ADPRHL1: variants seen among roughly 807,000 people sequenced by gnomAD.
ADPRHL1 encodes inactive ADP-ribosyltransferase ARH2.
ADPRHL1 carries 43 observed loss-of-function variants against 44.1 expected under a neutral mutation model. The observed-to-expected ratio is 0.98, with a 90% confidence interval of 0.76 to 1.26. The LOEUF is 1.26. Among genes scored for constraint, ADPRHL1 ranks in the 50% most tolerant of loss-of-function variants. The probability of loss-of-function intolerance (pLI) is 0.00; values close to 1 mark genes in which losing one functional copy is unlikely to be tolerated. For missense variants in ADPRHL1, 2,022 were observed against 2,496.9 expected, an observed-to-expected ratio of 0.81 and a Z score of 4.05; for synonymous variants, 878 against 1,017.4, an observed-to-expected ratio of 0.86 and a Z score of 2.61.
intron 1 of ADPRHL1, chr13:113,448,932 A>T (rs2139654185): frequency 1.0e-6 from 1 of 985,096 alleles, no homozygotes; most frequent in Middle Eastern, 5.2e-4. Context: ...GGCCAGCTGC[A>T]TACCCGAGCA....
intron 2 of ADPRHL1, among the ~76,000 whole-genome samples, chr13:113,443,458 A>C (rs1422613282): frequency 1.4e-5 from 2 of 146,446 alleles, no homozygotes; most frequent in Non-Finnish European, 3.0e-5. Flanking sequence ...AAAAAAAAAA[A>C]CAACCAAAAC....
In ADPRHL1 at chr13:113,453,331, T is replaced by A; in HGVS notation, c.107A>T (p.Glu36Val). Residue 36 changes from glutamate to valine, a missense_variant, in exon 1 of 8, where the codon GAG becomes GTG. Physicochemically the swap from Glu to Val is moderately radical, Grantham distance 121 (BLOSUM62 -2). Coordinates refer to ENST00000612156, the MANE Select transcript of ADPRHL1 (RefSeq NM_001394807.1). This position sits in a 1 kb window ranked among gnomAD's most constrained non-coding sequence, Gnocchi z 5.4. ...GTCCAGGCCCCCGGAACGTTGCAGC[T>A]CCTCCTGGATCTTCATGCCTACAGT... The part of the protein sequence containing the change: ...NSTVGMKIQE[E>V]LQRSGGLDHL... 1 of 1,614,146 alleles carries A rather than the reference T, an allele frequency of 6.2e-7. No individual in the cohort carries two copies. Among genetic ancestry groups the A allele is most frequent in the Non-Finnish European group, 8.5e-7 (1 of 1,180,026 alleles).
chr13:113,404,755 C>T lies in ADPRHL1; in HGVS notation c.4527G>A (p.Gln1509=). ...QVQGHAQEQA[Q]WQTQIEAQGQ... ...CCTGGGCCTCTATCTGGGTCTGCCACTGGGCCTGTTCTTGAGCGTGTCCCT... is the reference window on the plus strand; with the variant it reads ...CCTGGGCCTCTATCTGGGTCTGCCATTGGGCCTGTTCTTGAGCGTGTCCCT... The change falls in exon 8 of 8, where the codon CAG becomes CAA. Residue 1509 remains glutamine, a synonymous_variant. Transcript: ENST00000612156. The T allele has an allele frequency of 7.8e-7, 1 of 1,274,984 alleles. No homozygotes were observed. The highest frequency in any genetic ancestry group is 9.8e-7 in the Non-Finnish European group (1 of 1,015,708). 79.0% of individuals were successfully genotyped at this position (1,274,984 alleles called of 1,614,324 possible). A position where few individuals can be genotyped will look rare whatever the true frequency, so the allele number is the denominator to read the frequency against.
At position 113,424,242 on chromosome 13, in the gene ADPRHL1, C is replaced by T; in HGVS notation, c.882G>A (p.Leu294=). The change falls in exon 6 of 8, where the codon CTG becomes CTA. Residue 294 remains leucine (L), a synonymous_variant. Transcript: ENST00000612156. The part of the protein sequence containing the change: ...LLAAGNSWTE[L]CHRAMFHGGE... Reference sequence around the variant, plus strand: ...CTCCATGAAACATGGCCCGGTGACACAGCTCAGTCCAGCTGTTTCCTGCTG... The same window carrying T: ...CTCCATGAAACATGGCCCGGTGACATAGCTCAGTCCAGCTGTTTCCTGCTG... 1.2e-6 allele frequency: 2 copies of T among 1,612,872 alleles called. No individual in the cohort carries two copies. Among genetic ancestry groups the T allele is most frequent in the Non-Finnish European group, 1.7e-6 (2 of 1,179,870 alleles).
rs1395217796 is a variant in ADPRHL1, at chr13:113,401,039, C to T, written c.*2339G>A. ...GTGAACATATTTTTACCTCCCGTGTCTGTCATCATGTTCTTGCCACTCATT... is the reference window on the plus strand; with the variant it reads ...GTGAACATATTTTTACCTCCCGTGTTTGTCATCATGTTCTTGCCACTCATT... On this transcript the variant is annotated 3_prime_UTR_variant, in exon 8 of 8. Transcript: ENST00000612156. The surrounding 1 kb of genome is among the most constrained non-coding windows in gnomAD (Gnocchi z 5.5). 2 of 152,272 alleles carry T rather than the reference C, an allele frequency of 1.3e-5. No individual in the cohort carries two copies. Among genetic ancestry groups the T allele is most frequent in the East Asian group, 1.9e-4 (1 of 5,204 alleles). The allele number at this position is 152,272 out of a possible 1,614,324, so 9.4% of individuals were successfully genotyped here.
At chr13:113,416,830 T>C (rs2043889311) in intron 7 of ADPRHL1, among the ~76,000 whole-genome samples, 1 of 152,226 alleles carries the variant, frequency 6.6e-6, no homozygotes, top group South Asian at 2.1e-4. Context: ...GAAATATTTA[T>C]GGTGAGAGGA....
In ADPRHL1 at chr13:113,407,346, T is replaced by C; in HGVS notation, c.1936A>G (p.Arg646Gly). Residue 646 changes from arginine (R) to glycine (G), a missense_variant, in exon 8 of 8, where the codon AGG (arginine) becomes GGG (glycine). Transcript: ENST00000612156. The stretch of plus-strand genomic sequence containing the variant: ...CTGGCTTCTCCTCTGGGTGGACGCC[T>C]TGCCTCCGAGTGGCTGATTTTGGTG... ...HCTKISHSEA[R>G]RPPRGEASVP... The C allele has an allele frequency of 8.1e-7, 1 of 1,231,994 alleles. No individual in the cohort carries two copies. Among genetic ancestry groups the C allele is most frequent in the East Asian group, 3.2e-5 (1 of 31,708 alleles). 76.3% of individuals were successfully genotyped at this position (1,231,994 alleles called of 1,614,324 possible). A position where few individuals can be genotyped will look rare whatever the true frequency, so the allele number is the denominator to read the frequency against.
chr13:113,437,161 C>G (rs1343153815), intron 2 of ADPRHL1, among the ~76,000 whole-genome samples: 1 of 148,040 alleles, frequency 6.8e-6, no homozygotes, highest in African/African-American at 2.5e-5. Flanking sequence ...GGACCCAGCA[C>G]CCACACGTAG....
chr13:113,401,899 G>A lies in ADPRHL1; in HGVS notation c.*1479C>T, dbSNP rs938143771. ...GAGAGACCTCAGCCCCGCGTGGGTA[G>A]GACGCGCCTGCTGAACGCCCTCTCA... On this transcript the variant is annotated 3_prime_UTR_variant, in exon 8 of 8. Coordinates refer to ENST00000612156, the MANE Select transcript of ADPRHL1 (RefSeq NM_001394807.1). This position sits in a 1 kb window ranked among gnomAD's most constrained non-coding sequence, Gnocchi z 5.5. 1 of 152,280 alleles carries A rather than the reference G, an allele frequency of 6.6e-6. No individual in the cohort carries two copies. The highest frequency in any genetic ancestry group is 1.5e-5 in the Non-Finnish European group (1 of 68,046). The allele number at this position is 152,280 out of a possible 1,614,324, so 9.4% of individuals were successfully genotyped here.
At position 113,409,264 on chromosome 13, in the gene ADPRHL1, G is replaced by T. The variant is rs534790789; in HGVS notation, c.1062-1044C>A. ...GTGACCACAGGAGCAAAGCTGGAAGGTCTCCCCATCTGTGGCAGGGGGTGG... is the reference window on the plus strand; with the variant it reads ...GTGACCACAGGAGCAAAGCTGGAAGTTCTCCCCATCTGTGGCAGGGGGTGG... On this transcript the variant is annotated intron_variant, in intron 7 of 7. Coordinates refer to ENST00000612156, the MANE Select transcript of ADPRHL1 (RefSeq NM_001394807.1). This position sits in a 1 kb window ranked among gnomAD's most constrained non-coding sequence, Gnocchi z 4.2. The T allele has an allele frequency of 3.2e-5, 31 of 981,914 alleles. No individual in the cohort carries two copies. In the East Asian group the frequency reaches 1.0e-3, roughly 32 times the overall value. 60.8% of individuals were successfully genotyped at this position (981,914 alleles called of 1,614,324 possible). A position where few individuals can be genotyped will look rare whatever the true frequency, so the allele number is the denominator to read the frequency against.
At chr13:113,418,944 T>G (rs2056297739) in intron 7 of ADPRHL1, among the ~76,000 whole-genome samples, 1 of 72,430 alleles carries the variant, frequency 1.4e-5, no homozygotes, top group Admixed American at 1.9e-4. Flanking sequence ...TACACCTTGC[T>G]GGGCCTAAGA....
At chr13:113,421,198 TACCCCCGGGACAC>T (rs2043917703) in intron 7 of ADPRHL1, among the ~76,000 whole-genome samples, 1 of 7,032 alleles carries the variant, frequency 1.4e-4, no homozygotes, top group Non-Finnish European at 2.6e-4. Flanking sequence ...GGGACACCCC[TACCCCCGGGACAC>T]GCCCACCCCC....
chr13:113,416,658 G>A (rs1389342320), intron 7 of ADPRHL1, among the ~76,000 whole-genome samples: 4 of 152,212 alleles, frequency 2.6e-5, no homozygotes, highest in African/African-American at 7.2e-5. Flanking sequence ...CGATGAAGCA[G>A]TAGGCACAAT....
chr13:113,441,597 A>G lies in ADPRHL1; in HGVS notation c.379+2828T>C, dbSNP rs1387894829. Among the ~76,000 whole-genome samples, 5 of 152,170 alleles carry G rather than the reference A, an allele frequency of 3.3e-5. No individual in the cohort carries two copies. The highest frequency in any genetic ancestry group is 1.3e-4 in the Admixed American group (2 of 15,282). ...TTATATTTTATAAACCATACCGTTC[A>G]TTATTATTTTTAAGTCAATTATCTT... On this transcript the variant is annotated intron_variant, in intron 2 of 7. Coordinates refer to ENST00000612156, the MANE Select transcript of ADPRHL1 (RefSeq NM_001394807.1). This position sits in a 1 kb window ranked among gnomAD's most constrained non-coding sequence, Gnocchi z 6.0.
intron 6 of ADPRHL1, among the ~76,000 whole-genome samples, chr13:113,423,213 CCT>C (rs1415260129): frequency 1.3e-5 from 2 of 152,056 alleles, no homozygotes; most frequent in African/African-American, 2.4e-5. Context: ...GCCGAGATTG[CCT>C]CTCTGCACTC....
chr13:113,442,079 T>C (rs2044103430), intron 2 of ADPRHL1, among the ~76,000 whole-genome samples: 2 of 152,262 alleles, frequency 1.3e-5, no homozygotes, highest in South Asian at 4.1e-4. Flanking sequence ...CATGACTCTG[T>C]GGGTGATGAA....
intron 1 of ADPRHL1, chr13:113,449,098 G>A (rs1055733745): frequency 3.0e-5 from 30 of 995,822 alleles, no homozygotes; most frequent in Admixed American, 6.1e-5. Context: ...GTCTTGTAGA[G>A]CGCTAGACAC....
intron 2 of ADPRHL1, among the ~76,000 whole-genome samples, chr13:113,439,695 G>A (rs183383041): frequency 3.3e-5 from 5 of 152,198 alleles, no homozygotes; most frequent in East Asian, 1.9e-4. Flanking sequence ...TGATCTACCC[G>A]CCTTGGCCTC....
chr13:113,415,570 G>T (rs2043883000), intron 7 of ADPRHL1, among the ~76,000 whole-genome samples: 2 of 152,216 alleles, frequency 1.3e-5, no homozygotes, highest in South Asian at 4.1e-4. Flanking sequence ...GGCCAACAGG[G>T]TGAAACCGCA....
Sources: allele counts gnomAD v4.1 joint callset (sites outside exome capture counted in the v4.1 genomes callset), GRCh38; gene constraint gnomAD v4.1.1; non-coding constraint Gnocchi (gnomAD v3.1); transcripts MANE v1.5; gene names NCBI Gene and HGNC (gene_info 2026-07-23, HGNC 2026-07-21).